Variants in TMEM161B observed in about 807,000 individuals in gnomAD.
TMEM161B encodes transmembrane protein 161B.
Under a neutral mutation model 61.8 loss-of-function variants are expected in TMEM161B, and 34 were observed. The observed-to-expected ratio is 0.55, with a 90% CI of 0.42 to 0.73. TMEM161B has a LOEUF of 0.73. TMEM161B is among the 30% of genes least tolerant of loss of function. The pLI is 0.00. For missense variants in TMEM161B, 456 were observed against 558.5 expected, an observed-to-expected ratio of 0.82 and a Z score of 1.85; for synonymous variants, 167 against 192.8, an observed-to-expected ratio of 0.87 and a Z score of 1.11.
At chr5:88,185,884 C>T (rs1748335863), downstream of TMEM161B, among the ~76,000 whole-genome samples, 1 of 152,140 alleles carries the variant, frequency 6.6e-6, no homozygotes, top group East Asian at 1.9e-4. Context: ...GTTTGTATTG[C>T]TTTACAAGTT....
chr5:88,261,050 T>A (rs563573306), intron 1 of TMEM161B, among the ~76,000 whole-genome samples: 33 of 152,278 alleles, frequency 2.2e-4, no homozygotes, highest in Non-Finnish European at 4.0e-4. Context: ...AGGTGGCATA[T>A]CCTGGAACCA....
chr5:88,213,701 A>AC (rs1747296876), intron 5 of TMEM161B, among the ~76,000 whole-genome samples: 1 of 152,222 alleles, frequency 6.6e-6, no homozygotes, highest in African/African-American at 2.4e-5. Flanking sequence ...ATGTCCTATT[A>AC]CCCCAAATCT....
intron 1 of TMEM161B, among the ~76,000 whole-genome samples, chr5:88,252,308 G>C (rs1033300147): frequency 6.6e-6 from 1 of 152,138 alleles, no homozygotes; most frequent in Non-Finnish European, 1.5e-5. Context: ...CTGAATTTTA[G>C]CTCCTTGAGT....
intron 5 of TMEM161B, among the ~76,000 whole-genome samples, chr5:88,211,018 G>A (rs1334455333): frequency 2.6e-5 from 4 of 152,022 alleles, no homozygotes; most frequent in Non-Finnish European, 5.9e-5. Flanking sequence ...CTTTAATAAT[G>A]TTAAAAAGCC....
intron 1 of TMEM161B, chr5:88,259,434 G>GATAA (rs1200709186): frequency 1.3e-5 from 2 of 152,146 alleles, no homozygotes; most frequent in Admixed American, 1.3e-4. Flanking sequence ...AAAGAACTGG[G>GATAA]ATAACCGTGA....
chr5:88,243,418 T>A (rs889060573), intron 1 of TMEM161B, among the ~76,000 whole-genome samples: 1 of 151,898 alleles, frequency 6.6e-6, no homozygotes, highest in East Asian at 1.9e-4. Context: ...AAGGAAATGA[T>A]CCCATTCTTT....
intron 5 of TMEM161B, among the ~76,000 whole-genome samples, chr5:88,213,387 A>T (rs1156242236): frequency 6.6e-6 from 1 of 152,088 alleles, no homozygotes; most frequent in Non-Finnish European, 1.5e-5. Flanking sequence ...CATTACTTTA[A>T]TTACAGAGAA....
intron 1 of TMEM161B, among the ~76,000 whole-genome samples, chr5:88,241,333 G>A (rs575567204): frequency 6.6e-6 from 1 of 151,878 alleles, no homozygotes; most frequent in South Asian, 2.1e-4. Flanking sequence ...CCCCTGTGTA[G>A]ACACTGAGGG....
chr5:88,245,597 T>C (rs1437544604), intron 1 of TMEM161B, among the ~76,000 whole-genome samples: 4 of 151,978 alleles, frequency 2.6e-5, no homozygotes, highest in Admixed American at 1.3e-4. Flanking sequence ...ATTAAAAGTA[T>C]ATGATTTCTG....
chr5:88,198,988 C>G lies in TMEM161B; in HGVS notation c.1077G>C (p.Glu359Asp). 1 of 1,611,154 alleles carries G rather than the reference C, an allele frequency of 6.2e-7. No individual in the cohort carries two copies. Among genetic ancestry groups the G allele is most frequent in the Non-Finnish European group, 8.5e-7 (1 of 1,178,704 alleles). ...GTATAAAACTTACCATTTTCTGTAG[C>G]TCAACCGTGCTTATTCGCCCCGCTT... Reference protein sequence around the residue: ...KKEAGRISTVELQKMVARVFY... With the variant: ...KKEAGRISTVDLQKMVARVFY... The change falls in exon 10 of 12, where the codon GAG becomes GAC. Residue 359 changes from glutamate to aspartate, a missense_variant. Transcript: ENST00000296595.
chr5:88,188,278 T>C (rs1221922164), downstream of TMEM161B, among the ~76,000 whole-genome samples: 7 of 54,652 alleles, frequency 1.3e-4, no homozygotes. Context: ...CTAATTTTTG[T>C]ATTTTTTTTT....
At chr5:88,224,044 T>C (rs1749531005) in intron 4 of TMEM161B, among the ~76,000 whole-genome samples, 1 of 152,222 alleles carries the variant, frequency 6.6e-6, no homozygotes, top group South Asian at 2.1e-4. Flanking sequence ...AGCCACTTTG[T>C]ATCACAAAAT....
chr5:88,229,611 T>C (rs1750644578), intron 2 of TMEM161B, among the ~76,000 whole-genome samples: 1 of 150,340 alleles, frequency 6.7e-6, no homozygotes. Flanking sequence ...GGAAAAGCAA[T>C]GAATAAGGCA....
intron 2 of TMEM161B, among the ~76,000 whole-genome samples, chr5:88,230,885 T>G (rs1750873712): frequency 6.6e-6 from 1 of 152,220 alleles, no homozygotes; most frequent in African/African-American, 2.4e-5. Context: ...TGGAGCTGAT[T>G]ATCAGAAACA....
At chr5:88,186,956 G>A (rs149573656), downstream of TMEM161B, among the ~76,000 whole-genome samples, 2 of 152,246 alleles carry the variant, frequency 1.3e-5, no homozygotes, top group South Asian at 4.1e-4. Flanking sequence ...TTAATACTTT[G>A]TGTCCTAAGA....
intron 1 of TMEM161B, among the ~76,000 whole-genome samples, chr5:88,263,600 G>A (rs1755969014): frequency 6.6e-6 from 1 of 152,154 alleles, no homozygotes; most frequent in Non-Finnish European, 1.5e-5. Flanking sequence ...TTTGAGACAA[G>A]CTGTATTCAT....
Position 88,211,768 on chromosome 5 carries a change from CAA to C in TMEM161B, c.447-4590_447-4589del, listed in dbSNP as rs61376905. 1.6e-3 allele frequency among the ~76,000 whole-genome samples: 190 copies of C among 116,550 alleles called. 1 individual carries two copies. The highest frequency in any genetic ancestry group is 8.9e-3 in the Middle Eastern group (2 of 224). The allele number at this position is 116,550 out of a possible 152,430, so 76.5% of individuals were successfully genotyped here. On this transcript the variant is annotated intron_variant, in intron 5 of 11. Coordinates refer to ENST00000296595, the MANE Select transcript of TMEM161B (RefSeq NM_153354.5). ...CCTGGTAACAGAGCAGAACTCCATC[CAA>C]AAAAAAAAAAAAAAAGTAAGACAAA...
intron 1 of TMEM161B, among the ~76,000 whole-genome samples, chr5:88,264,864 A>G (rs1385737961): frequency 6.6e-6 from 1 of 151,988 alleles, no homozygotes; most frequent in Admixed American, 6.6e-5. Context: ...GTTCTCACTC[A>G]TAAGTGGGAG....
intron 8 of TMEM161B, among the ~76,000 whole-genome samples, chr5:88,204,466 T>G (rs979952618): frequency 2.0e-5 from 3 of 152,162 alleles, no homozygotes; most frequent in Non-Finnish European, 2.9e-5. Context: ...TCCCACAGAC[T>G]GGGTAAACCA....
Sources: allele counts gnomAD v4.1 joint callset (sites outside exome capture counted in the v4.1 genomes callset), GRCh38; gene constraint gnomAD v4.1.1; transcripts MANE v1.5; gene names NCBI Gene and HGNC (gene_info 2026-07-23, HGNC 2026-07-21).